The following GRM8 variants were observed in gnomAD, a reference collection of about 807,000 sequenced individuals.
GRM8 encodes the protein metabotropic glutamate receptor 8.
Under a neutral mutation model 87.2 loss-of-function variants are expected in GRM8, and 47 were observed. The ratio of observed to expected loss-of-function variants is 0.54; its 90% CI spans 0.43 to 0.69. The LOEUF (loss-of-function observed/expected upper bound fraction) is 0.69. GRM8 is among the 30% of genes least tolerant of loss of function. The pLI is 0.00. For synonymous variants in GRM8, 396 were observed against 404.5 expected (o/e 0.98, Z 0.25); for missense variants, 1,019 against 1,139.2 (o/e 0.89, Z 1.52).
At chr7:126,986,105 C>G (rs1293804439) in intron 3 of GRM8, among the ~76,000 whole-genome samples, 1 of 152,090 alleles carries the variant, frequency 6.6e-6, no homozygotes, top group African/African-American at 2.4e-5. Flanking sequence ...TCCACACTTC[C>G]TGGGCTCAAG....
chr7:127,057,894 G>T (rs1312062557), intron 3 of GRM8, among the ~76,000 whole-genome samples: 2 of 151,604 alleles, frequency 1.3e-5, no homozygotes, highest in Middle Eastern at 3.2e-3. Flanking sequence ...AAGCTGCCTT[G>T]CAAGAACAGA....
At chr7:126,744,800 AC>A (rs1157839448) in intron 7 of GRM8, among the ~76,000 whole-genome samples, 1 of 151,968 alleles carries the variant, frequency 6.6e-6, no homozygotes, top group African/African-American at 2.4e-5. Context: ...TAACATGGCA[AC>A]AGATTGAATG....
intron 7 of GRM8, among the ~76,000 whole-genome samples, chr7:126,623,345 C>T (rs1800366282): frequency 6.6e-6 from 1 of 152,012 alleles, no homozygotes; most frequent in Non-Finnish European, 1.5e-5. Flanking sequence ...TTTATGTAAA[C>T]TAACATATGA....
intron 7 of GRM8, among the ~76,000 whole-genome samples, chr7:126,651,714 C>A (rs1291895603): frequency 6.6e-6 from 1 of 152,164 alleles, no homozygotes; most frequent in Non-Finnish European, 1.5e-5. Context: ...AAGGGAGTTA[C>A]AGTGTTAGCT....
intron 8 of GRM8, among the ~76,000 whole-genome samples, chr7:126,539,914 A>G (rs1245229938): frequency 6.6e-6 from 1 of 152,042 alleles, no homozygotes; most frequent in African/African-American, 2.4e-5. Flanking sequence ...CATGACACCA[A>G]AAGCAGAAGC....
intron 3 of GRM8, among the ~76,000 whole-genome samples, chr7:126,926,238 T>C (rs1331175669): frequency 6.6e-6 from 1 of 152,190 alleles, no homozygotes; most frequent in East Asian, 1.9e-4. Flanking sequence ...TTATAGCTCA[T>C]AGAAATGTAA....
chr7:126,528,025 G>GA (rs1814155188), intron 9 of GRM8, among the ~76,000 whole-genome samples: 2 of 152,312 alleles, frequency 1.3e-5, no homozygotes, highest in East Asian at 3.9e-4. Flanking sequence ...CCAACATGGT[G>GA]AAACCCCGTC....
intron 6 of GRM8, among the ~76,000 whole-genome samples, chr7:126,788,199 C>G (rs541233268): frequency 6.6e-6 from 1 of 151,880 alleles, no homozygotes; most frequent in East Asian, 1.9e-4. Flanking sequence ...TACCTGAGGT[C>G]AGGATTTTGA....
chr7:126,993,733 G>A (rs1344649450), intron 3 of GRM8, among the ~76,000 whole-genome samples: 1 of 152,152 alleles, frequency 6.6e-6, no homozygotes, highest in Non-Finnish European at 1.5e-5. Flanking sequence ...TGTCACAGTG[G>A]AAAGCAAAAG....
At chr7:127,217,944 C>T (rs577464767) in intron 2 of GRM8, among the ~76,000 whole-genome samples, 5 of 152,278 alleles carry the variant, frequency 3.3e-5, no homozygotes, top group East Asian at 1.9e-4. Flanking sequence ...TGAAGTCCAC[C>T]GCTCCATATC....
intron 7 of GRM8, among the ~76,000 whole-genome samples, chr7:126,749,168 C>A (rs1215415096): frequency 6.6e-6 from 1 of 152,050 alleles, no homozygotes; most frequent in East Asian, 1.9e-4. Context: ...ATCCCAGCTA[C>A]TCCAGAGGCT....
chr7:126,821,945 T>C (rs1346930285), intron 6 of GRM8, among the ~76,000 whole-genome samples: 3 of 152,206 alleles, frequency 2.0e-5, no homozygotes, highest in African/African-American at 4.8e-5. Context: ...TTCCCAGTCA[T>C]GATCTCAACA....
At chr7:126,964,681 A>C (rs1276306837) in intron 3 of GRM8, among the ~76,000 whole-genome samples, 2 of 152,244 alleles carry the variant, frequency 1.3e-5, no homozygotes, top group African/African-American at 4.8e-5. Flanking sequence ...AAAGATGTGG[A>C]GAAATAGGAA....
At chr7:126,581,725 A>G (rs1795628405) in intron 8 of GRM8, among the ~76,000 whole-genome samples, 1 of 151,898 alleles carries the variant, frequency 6.6e-6, no homozygotes, top group Non-Finnish European at 1.5e-5. Context: ...TACCCACTTC[A>G]TGTCTCTGTG....
intron 7 of GRM8, among the ~76,000 whole-genome samples, chr7:126,623,254 TA>T (rs1433055424): frequency 6.6e-6 from 1 of 152,222 alleles, no homozygotes; most frequent in Non-Finnish European, 1.5e-5. Context: ...AATTGTGCTC[TA>T]TGTTCAGATT....
chr7:127,192,777 G>A (rs1795091146), intron 2 of GRM8, among the ~76,000 whole-genome samples: 1 of 152,114 alleles, frequency 6.6e-6, no homozygotes. Flanking sequence ...AAGCCTTGTT[G>A]GCGAAGAGAT....
chr7:127,238,306 A>AG (rs1798094949), intron 2 of GRM8, among the ~76,000 whole-genome samples: 1 of 146,766 alleles, frequency 6.8e-6, no homozygotes, highest in Non-Finnish European at 1.5e-5. Flanking sequence ...GTGTGTGTGC[A>AG]TGTGTGTGTG....
chr7:126,661,968 GA>G (rs1227566837), intron 7 of GRM8, among the ~76,000 whole-genome samples: 1 of 152,126 alleles, frequency 6.6e-6, no homozygotes, highest in Non-Finnish European at 1.5e-5. Context: ...CAAAGCATAT[GA>G]TTTGATACAT....
intron 2 of GRM8, among the ~76,000 whole-genome samples, chr7:127,174,661 G>A (rs1040608356): frequency 4.6e-5 from 7 of 152,126 alleles, no homozygotes; most frequent in African/African-American, 1.4e-4. Context: ...AAGCATCAAG[G>A]TGGGTACCAA....
Sources: allele counts gnomAD v4.1 joint callset (sites outside exome capture counted in the v4.1 genomes callset), GRCh38; gene constraint gnomAD v4.1.1; transcripts MANE v1.5; gene names NCBI Gene and HGNC (gene_info 2026-07-23, HGNC 2026-07-21).